The following EBF1 variants were observed in gnomAD, a reference collection of about 807,000 sequenced individuals.
EBF1 encodes the protein EBF transcription factor 1.
In EBF1, 10 loss-of-function variants were observed where a neutral mutation model predicts 68.4. The ratio of observed to expected loss-of-function variants is 0.15; its 90% CI spans 0.09 to 0.25. The LOEUF (loss-of-function observed/expected upper bound fraction) is 0.25. EBF1 is among the 10% of genes least tolerant of loss of function. EBF1 has a pLI of 1.00. For missense variants in EBF1, 509 were observed against 794.4 expected, an observed-to-expected ratio of 0.64 and a Z score of 4.32; for synonymous variants, 298 against 299.8, an observed-to-expected ratio of 0.99 and a Z score of 0.06.
intron 8 of EBF1, among the ~76,000 whole-genome samples, chr5:158,803,560 C>A (rs997399404): frequency 1.3e-5 from 2 of 152,000 alleles, no homozygotes; most frequent in African/African-American, 2.4e-5. Flanking sequence ...CATTCTCCAA[C>A]TGGATGCTTT....
intron 10 of EBF1, among the ~76,000 whole-genome samples, chr5:158,743,820 G>A (rs1766961737): frequency 1.3e-5 from 2 of 152,106 alleles, no homozygotes; most frequent in South Asian, 4.2e-4. Flanking sequence ...AGACATGCTG[G>A]AATTTAGGTG....
chr5:158,940,248 T>C (rs1812945818), intron 6 of EBF1, among the ~76,000 whole-genome samples: 1 of 152,176 alleles, frequency 6.6e-6, no homozygotes, highest in Non-Finnish European at 1.5e-5. Flanking sequence ...AACTTGGAGA[T>C]TGTGTGCAGG....
chr5:158,998,765 A>G (rs1205404939), intron 6 of EBF1, among the ~76,000 whole-genome samples: 1 of 152,170 alleles, frequency 6.6e-6, no homozygotes, highest in Non-Finnish European at 1.5e-5. Context: ...TAAATTCAAA[A>G]TGCCTGTGTA....
chr5:158,722,146 G>A (rs1475118798), intron 11 of EBF1, among the ~76,000 whole-genome samples: 1 of 152,066 alleles, frequency 6.6e-6, no homozygotes, highest in Non-Finnish European at 1.5e-5. Flanking sequence ...TGAGTGCCTT[G>A]GAAATCGACT....
chr5:158,820,465 T>C (rs960345841), intron 8 of EBF1, among the ~76,000 whole-genome samples: 1 of 152,240 alleles, frequency 6.6e-6, no homozygotes, highest in African/African-American at 2.4e-5. Context: ...TAGATATTTA[T>C]GTGTCAGCCT....
rs1283049763 is a variant in EBF1, at chr5:158,924,551, C to A, written c.555-84441G>T. ...TTCTCCATGTGGCATTCAGAATGAT[C>A]TTTTAAAAATGATAAACTGGGCCGG... On this transcript the variant is annotated intron_variant, in intron 6 of 15. Coordinates refer to ENST00000313708, the MANE Select transcript of EBF1 (RefSeq NM_024007.5). Among the ~76,000 whole-genome samples, 5 of 152,216 alleles carry A rather than the reference C, an allele frequency of 3.3e-5. No homozygotes were observed. In the East Asian group the frequency reaches 9.7e-4, roughly 29 times the overall value.
chr5:158,710,271 T>C (rs939301735), intron 14 of EBF1, among the ~76,000 whole-genome samples: 7 of 152,220 alleles, frequency 4.6e-5, no homozygotes, highest in African/African-American at 1.4e-4. Flanking sequence ...ATGTTCAAAG[T>C]TTCACAGTCT....
At chr5:158,839,947 C>T (rs776206719) in intron 7 of EBF1, 82 bp downstream of exon 7, 115 of 1,374,248 alleles carry the variant, frequency 8.4e-5, no homozygotes, top group Admixed American at 2.3e-4. Flanking sequence ...AAAAAAGCTA[C>T]GTATCTTCTG....
At chr5:158,974,049 T>C (rs1489253423) in intron 6 of EBF1, among the ~76,000 whole-genome samples, 1 of 152,202 alleles carries the variant, frequency 6.6e-6, no homozygotes, top group Non-Finnish European at 1.5e-5. Flanking sequence ...TTTGCCACAG[T>C]GAACGTGTTT....
At chr5:158,945,550 C>T (rs1267551492) in intron 6 of EBF1, among the ~76,000 whole-genome samples, 1 of 152,246 alleles carries the variant, frequency 6.6e-6, no homozygotes, top group African/African-American at 2.4e-5. Context: ...TGCTGTTAGT[C>T]TGATGGGCTT....
chr5:158,804,447 G>GTAAT (rs1781202260), intron 8 of EBF1, among the ~76,000 whole-genome samples: 2 of 152,096 alleles, frequency 1.3e-5, no homozygotes, highest in African/African-American at 4.8e-5. Flanking sequence ...AAATGCTGGT[G>GTAAT]CAACAACTGT....
chr5:158,702,479 G>C (rs1756958292), intron 15 of EBF1, among the ~76,000 whole-genome samples: 1 of 152,042 alleles, frequency 6.6e-6, no homozygotes, highest in Admixed American at 6.5e-5. Context: ...GAAAACTATT[G>C]CTTTGAGAGG....
In EBF1 at chr5:159,090,558, T is replaced by G. The variant is rs1431022394; in HGVS notation, c.411+5062A>C. On this transcript the variant is annotated intron_variant, in intron 4 of 15. Coordinates refer to ENST00000313708, the MANE Select transcript of EBF1 (RefSeq NM_024007.5). ...AGGAATGATATCAGATTCAGTGTGC[T>G]GTTCAGTTACATCACAGCCCTGAAT... Among the ~76,000 whole-genome samples, 4 of 152,308 alleles carry G rather than the reference T, an allele frequency of 2.6e-5. No homozygotes were observed. The East Asian group carries it at 7.7e-4, about 29-fold the overall frequency.
intron 6 of EBF1, among the ~76,000 whole-genome samples, chr5:158,960,114 G>T (rs1041975066): frequency 6.6e-6 from 1 of 152,162 alleles, no homozygotes; most frequent in Non-Finnish European, 1.5e-5. Context: ...GAAAGGAGGG[G>T]ACACTTAGAG....
intron 7 of EBF1, among the ~76,000 whole-genome samples, chr5:158,828,704 T>C (rs1360695025): frequency 6.6e-6 from 1 of 152,204 alleles, no homozygotes; most frequent in Non-Finnish European, 1.5e-5. Flanking sequence ...CATGGGATCA[T>C]TCTGTATTAC....
At chr5:158,940,241 T>A (rs62385385) in intron 6 of EBF1, among the ~76,000 whole-genome samples, 48,668 of 152,104 alleles carry the variant, frequency 0.32, 8,550 homozygotes, top group South Asian at 0.57. Flanking sequence ...ACTGAACAAC[T>A]TGGAGATTGT....
intron 7 of EBF1, among the ~76,000 whole-genome samples, chr5:158,829,977 A>C (rs1364676676): frequency 6.6e-6 from 1 of 152,244 alleles, no homozygotes; most frequent in African/African-American, 2.4e-5. Context: ...GAAGCTCTCA[A>C]CTAGCAGTTT....
chr5:158,759,938 A>T (rs1436509857), intron 10 of EBF1, among the ~76,000 whole-genome samples: 1 of 150,548 alleles, frequency 6.6e-6, no homozygotes, highest in African/African-American at 2.4e-5. Context: ...AAAAAAAAAT[A>T]ATGTGACAAC....
At chr5:158,812,804 CTGATGCAAG>C (rs1582122873) in intron 8 of EBF1, among the ~76,000 whole-genome samples, 1 of 152,264 alleles carries the variant, frequency 6.6e-6, no homozygotes, top group East Asian at 1.9e-4. Context: ...ATTTTCTCTC[CTGATGCAAG>C]TCCTCTTTCC....
Sources: allele counts gnomAD v4.1 joint callset (sites outside exome capture counted in the v4.1 genomes callset), GRCh38; gene constraint gnomAD v4.1.1; transcripts MANE v1.5; gene names NCBI Gene and HGNC (gene_info 2026-07-23, HGNC 2026-07-21).